The following SUN2 variants were observed in gnomAD, a reference collection of about 807,000 sequenced individuals.
SUN2 encodes Sad1 and UNC84 domain containing 2.
In SUN2, 60 loss-of-function variants were observed where a neutral mutation model predicts 100.0. The observed-to-expected ratio is 0.60, with a 90% CI of 0.49 to 0.74. SUN2 has a LOEUF of 0.74. Among genes scored for constraint, SUN2 ranks in the 30% least tolerant of loss-of-function variants. The pLI, the probability that SUN2 is intolerant of heterozygous loss-of-function variation, is 0.00. For missense variants in SUN2, 834 were observed against 954.6 expected, an observed-to-expected ratio of 0.87 and a Z score of 1.66; for synonymous variants, 367 against 403.3, an observed-to-expected ratio of 0.91 and a Z score of 1.08.
chr22:38,738,596 G>A lies in SUN2; in HGVS notation c.1938C>T (p.Phe646=), dbSNP rs757774364. Residue 646 remains phenylalanine, a synonymous_variant, in exon 16 of 18, where the codon TTC becomes TTT. Transcript: ENST00000689035. The surrounding 1 kb of genome is among the most constrained non-coding windows in gnomAD (Gnocchi z 6.6). ...CAGGACAGATACTCACAAAGATGGC[G>A]AAGTCCTTGGGGGCACTGGAGATAG... ...NSTISSAPKD[F]AIFGFDEDLQ... The A allele has an allele frequency of 7.4e-6, 12 of 1,612,684 alleles. No individual in the cohort carries two copies. Among genetic ancestry groups the A allele is most frequent in the African/African-American group, 6.7e-5 (5 of 74,926 alleles).
intron 7 of SUN2, among the ~76,000 whole-genome samples, 167 bp downstream of exon 7, chr22:38,748,546 G>A (rs2092920961): frequency 6.6e-6 from 1 of 152,204 alleles, no homozygotes; most frequent in South Asian, 2.1e-4. Flanking sequence ...AGAGGCTCAG[G>A]AGAGGTGGGG....
intron 10 of SUN2, 61 bp downstream of exon 10, chr22:38,741,433 T>A: frequency 1.3e-6 from 2 of 1,541,304 alleles, no homozygotes; most frequent in Non-Finnish European, 1.8e-6. Context: ...GGGTCCGAGG[T>A]GAACATGTTG....
In SUN2 at chr22:38,739,791, C is replaced by T. The variant is rs767238921; in HGVS notation, c.1509G>A (p.Ser503=). Residue 503 remains serine, a synonymous_variant, in exon 13 of 18, where the codon TCG becomes TCA. Coordinates refer to ENST00000689035, the MANE Select transcript of SUN2 (RefSeq NM_015374.3). This position sits in a 1 kb window ranked among gnomAD's most constrained non-coding sequence, Gnocchi z 6.7. ...TCAGGGAGGCCGCGGCTTCCCTGGC[C>T]GACTTGCCCTGCATCTCTGCCACAT... ...LTHVAEMQGK[S]AREAAASLSL... The T allele has an allele frequency of 1.5e-5, 25 of 1,613,512 alleles. No individual in the cohort carries two copies. The Middle Eastern group carries it at 6.6e-4, about 42-fold the overall frequency.
At position 38,742,435 on chromosome 22, in the gene SUN2, GCCGC is replaced by G; in HGVS notation, c.930_933del (p.Arg311LysfsTer12). ...CCACCTCCCTGGCCAGGAGCCCCTT[GCCGC>G]AGCTCCAGACGTTCCAGCCGCATGG... On this transcript the variant is annotated frameshift_variant, in exon 9 of 18. Coordinates refer to ENST00000689035, the MANE Select transcript of SUN2 (RefSeq NM_015374.3). LOFTEE classifies it high-confidence loss of function. The G allele has an allele frequency of 6.2e-7, 1 of 1,613,564 alleles. No homozygotes were observed. The highest frequency in any genetic ancestry group is 8.5e-7 in the Non-Finnish European group (1 of 1,180,014).
At chr22:38,736,455 G>C (rs770219543) in intron 17 of SUN2, 75 bp from the exon 18 acceptor site, 4 of 1,296,636 alleles carry the variant, frequency 3.1e-6, no homozygotes, top group African/African-American at 3.0e-5. Flanking sequence ...GGGAAGGGGA[G>C]ACAGCCTCGC....
chr22:38,740,685 C>A lies in SUN2; in HGVS notation c.1191-253G>T. ...CAGAATGTACTCTGCCTCAGCCTCTCACATCCTCCACAAGCATGGACATCT... is the reference window on the plus strand; with the variant it reads ...CAGAATGTACTCTGCCTCAGCCTCTAACATCCTCCACAAGCATGGACATCT... On this transcript the variant is annotated intron_variant, in intron 11 of 17. Coordinates refer to ENST00000689035, the MANE Select transcript of SUN2 (RefSeq NM_015374.3). This position sits in a 1 kb window ranked among gnomAD's most constrained non-coding sequence, Gnocchi z 4.8. 1.7e-6 allele frequency: 1 copy of A among 573,696 alleles called. No individual in the cohort carries two copies. 35.5% of individuals were successfully genotyped at this position (573,696 alleles called of 1,614,324 possible). A position where few individuals can be genotyped will look rare whatever the true frequency, so the allele number is the denominator to read the frequency against.
In SUN2 at chr22:38,755,509, G is replaced by A. The variant is rs2092978678; in HGVS notation, c.-38+254C>T. On this transcript the variant is annotated intron_variant, in intron 1 of 17. Transcript: ENST00000689035. The surrounding 1 kb of genome is among the most constrained non-coding windows in gnomAD (Gnocchi z 5.7). ...GTCGGCCTTTGCCCTCCTCCTCCCG[G>A]GAGGCTGCCCGGGAAGTCCCGCCCG... 3.0e-6 allele frequency: 3 copies of A among 985,972 alleles called. No homozygotes were observed. Among genetic ancestry groups the A allele is most frequent in the African/African-American group, 3.5e-5 (2 of 57,242 alleles). The allele number at this position is 985,972 out of a possible 1,614,324, so 61.1% of individuals were successfully genotyped here.
chr22:38,745,632 C>A, intron 8 of SUN2, 52 bp downstream of exon 8: 1 of 1,600,720 alleles, frequency 6.2e-7, no homozygotes. Flanking sequence ...CCACTTTCAC[C>A]GTCACCTAAT....
chr22:38,750,166 A>G (rs2092933392), intron 5 of SUN2, 59 bp downstream of exon 5: 3 of 1,581,930 alleles, frequency 1.9e-6, no homozygotes, highest in African/African-American at 2.7e-5. Context: ...CTGCAGAGAG[A>G]TGGGTAAGAA....
chr22:38,741,269 T>A (rs1227375409), intron 10 of SUN2, among the ~76,000 whole-genome samples: 1 of 152,086 alleles, frequency 6.6e-6, no homozygotes, highest in Non-Finnish European at 1.5e-5. Flanking sequence ...ACTCAGCACA[T>A]GCACACCAGC....
In SUN2 at chr22:38,737,095, CCTTGGCCTT is replaced by C. The variant is rs2092812395; in HGVS notation, c.2041-724_2041-716del. 7.2e-5 allele frequency among the ~76,000 whole-genome samples: 11 copies of C among 152,236 alleles called. No homozygotes were observed. Among genetic ancestry groups the C allele is most frequent in the African/African-American group, 2.4e-4 (10 of 41,452 alleles). On this transcript the variant is annotated intron_variant, in intron 17 of 17. Coordinates refer to ENST00000689035, the MANE Select transcript of SUN2 (RefSeq NM_015374.3). This position sits in a 1 kb window ranked among gnomAD's most constrained non-coding sequence, Gnocchi z 4.1. ...CTCCTGGGCTCAAGCAATCCCCTCG[CCTTGGCCTT>C]GCAAAGTGCTGGAATTACAGACATG...
Position 38,752,595 on chromosome 22 carries a change from A to G in SUN2, c.34T>C (p.Ser12Pro). The change falls in exon 2 of 18, where the codon TCC becomes CCC. Residue 12 changes from serine to proline, a missense_variant. Physicochemically the swap from Ser to Pro is moderately conservative, Grantham distance 74 (BLOSUM62 -1). This residue lies in a region of SUN2 where 559 missense variants were observed against 597.7 expected (regional missense o/e 0.94). Coordinates refer to ENST00000689035, the MANE Select transcript of SUN2 (RefSeq NM_015374.3). ...CTGCTGCCGTCATCGTCACCCTGGG[A>G]GTAGCGCGTGAGGCGCTGGCTTCTT... ...SRRSQRLTRY[S>P]QGDDDGSSSS... is the part of the protein sequence containing the mutation. 1 of 1,613,974 alleles carries G rather than the reference A, an allele frequency of 6.2e-7. No homozygotes were observed. Among genetic ancestry groups the G allele is most frequent in the Non-Finnish European group, 8.5e-7 (1 of 1,179,962 alleles).
Position 38,739,167 on chromosome 22 carries a change from G to C in SUN2, c.1663+175C>G, listed in dbSNP as rs1394199890. On this transcript the variant is annotated intron_variant, in intron 14 of 17. Coordinates refer to ENST00000689035, the MANE Select transcript of SUN2 (RefSeq NM_015374.3). The surrounding 1 kb of genome is among the most constrained non-coding windows in gnomAD (Gnocchi z 6.7). ...CTCTCCCTGGCCCAGGATGGTACTC[G>C]GTACGTCCTGACTTCCCTGAATTGC... 1.1e-6 allele frequency: 1 copy of C among 895,764 alleles called. No homozygotes were observed. Among genetic ancestry groups the C allele is most frequent in the Non-Finnish European group, 1.8e-6 (1 of 565,310 alleles). 55.5% of individuals were successfully genotyped at this position (895,764 alleles called of 1,614,324 possible).
In SUN2 at chr22:38,735,011, C is replaced by T. The variant is rs775992156; in HGVS notation, c.*1256G>A. 3.0e-5 allele frequency: 9 copies of T among 297,178 alleles called. No individual in the cohort carries two copies. The highest frequency in any genetic ancestry group is 9.0e-5 in the African/African-American group (4 of 44,672). The allele number at this position is 297,178 out of a possible 1,614,324, so 18.4% of individuals were successfully genotyped here. A position where few individuals can be genotyped will look rare whatever the true frequency, so the allele number is the denominator to read the frequency against. The stretch of plus-strand genomic sequence containing the variant: ...AACCAGTGCCCCAGGCCCCTCTCCA[C>T]GGCCAGGAACAAGAAACTGAGTATC... On this transcript the variant is annotated 3_prime_UTR_variant, in exon 18 of 18. Transcript: ENST00000689035.
chr22:38,750,596 G>A (rs1489871652), intron 4 of SUN2, among the ~76,000 whole-genome samples: 1 of 152,264 alleles, frequency 6.6e-6, no homozygotes, highest in Non-Finnish European at 1.5e-5. Flanking sequence ...CAGAATGACT[G>A]AGCACCCACC....
intron 8 of SUN2, 98 bp downstream of exon 8, chr22:38,745,584 TTG>T: frequency 1.3e-6 from 2 of 1,489,752 alleles, no homozygotes; most frequent in Non-Finnish European, 1.8e-6. Flanking sequence ...CGCCTCAGCT[TTG>T]TGTGTACGGT....
chr22:38,750,073 A>C (rs1419104238), intron 5 of SUN2, 152 bp downstream of exon 5: 2 of 1,314,370 alleles, frequency 1.5e-6, no homozygotes, highest in Non-Finnish European at 2.0e-6. Context: ...GGGGGTCCCC[A>C]CAGCTCTGGG....
intron 3 of SUN2, 22 bp downstream of exon 3, chr22:38,751,188 G>A (rs759144607): frequency 6.2e-7 from 1 of 1,606,302 alleles, no homozygotes; most frequent in South Asian, 1.1e-5. Context: ...CAAAGCCCCG[G>A]GACGGAGGGC....
In SUN2 at chr22:38,755,335, CTTTGT is replaced by C; in HGVS notation, c.-38+423_-38+427del. ...CTAAGTCACACCGCGCCCCCCATTG[CTTTGT>C]TTTGTTTTGTTTTAGAACTGAACAA... On this transcript the variant is annotated intron_variant, in intron 1 of 17. Transcript: ENST00000689035. The surrounding 1 kb of genome is among the most constrained non-coding windows in gnomAD (Gnocchi z 5.7). 1.8e-6 allele frequency: 2 copies of C among 1,095,644 alleles called. No homozygotes were observed. Among genetic ancestry groups the C allele is most frequent in the Non-Finnish European group, 2.2e-6 (2 of 893,956 alleles). The allele number at this position is 1,095,644 out of a possible 1,614,324, so 67.9% of individuals were successfully genotyped here.
Sources: allele counts gnomAD v4.1 joint callset (sites outside exome capture counted in the v4.1 genomes callset), GRCh38; gene constraint gnomAD v4.1.1; regional missense constraint gnomAD v4.1.1; non-coding constraint Gnocchi (gnomAD v3.1); transcripts MANE v1.5; gene names NCBI Gene and HGNC (gene_info 2026-07-23, HGNC 2026-07-21).